SHANK2: variants seen among roughly 807,000 people sequenced by gnomAD.
SHANK2 encodes the protein SH3 and multiple ankyrin repeat domains 2.
In SHANK2, 43 loss-of-function variants were observed where a neutral mutation model predicts 133.7. That is an observed-to-expected ratio of 0.32 (90% CI 0.25 to 0.41). SHANK2 has a LOEUF of 0.41. SHANK2 is among the 10% of genes least tolerant of loss of function. The pLI is 1.00. For missense variants in SHANK2, 1,994 were observed against 2,235.8 expected (o/e 0.89, Z 2.18); for synonymous variants, 1,017 against 952.8 (o/e 1.07, Z -1.24).
chr11:70,571,998 T>G (rs1454536263), intron 17 of SHANK2, among the ~76,000 whole-genome samples: 8 of 152,148 alleles, frequency 5.3e-5, no homozygotes, highest in Admixed American at 6.5e-5. Flanking sequence ...ATCGGTAGCC[T>G]TATAAAAGGG....
chr11:71,239,051 A>G (rs1325674618), intron 1 of SHANK2, among the ~76,000 whole-genome samples: 1 of 152,262 alleles, frequency 6.6e-6, no homozygotes, highest in African/African-American at 2.4e-5. Context: ...CATTTTGTTC[A>G]CAAATGCTCA....
At chr11:70,649,335 TG>T (rs2061311751) in intron 17 of SHANK2, among the ~76,000 whole-genome samples, 1 of 152,002 alleles carries the variant, frequency 6.6e-6, no homozygotes, top group African/African-American at 2.4e-5. Flanking sequence ...TGCTGGTGGG[TG>T]GTTGATTTCA....
In SHANK2 at chr11:70,472,659, T is replaced by C. The variant is rs771143528; in HGVS notation, c.*210A>G. ...CTCCCTCCCCTTGTCCCATGTGTGA[T>C]AGAAACTGCCCAAGACACCCACATG... On this transcript the variant is annotated 3_prime_UTR_variant, in exon 26 of 26. Coordinates refer to ENST00000601538, the MANE Select transcript of SHANK2 (RefSeq NM_012309.5). The surrounding 1 kb of genome is among the most constrained non-coding windows in gnomAD (Gnocchi z 4.4). The C allele has an allele frequency of 1.5e-5, 9 of 603,746 alleles. No individual in the cohort carries two copies. The East Asian group carries it at 1.7e-4, about 11-fold the overall frequency. 37.4% of individuals were successfully genotyped at this position (603,746 alleles called of 1,614,324 possible).
At chr11:70,584,974 C>T (rs771166397) in intron 17 of SHANK2, among the ~76,000 whole-genome samples, 7 of 152,218 alleles carry the variant, frequency 4.6e-5, no homozygotes, top group Non-Finnish European at 7.3e-5. Flanking sequence ...AGATCGTCAG[C>T]GGAGACGCAG....
At chr11:70,582,349 G>A (rs1026754628) in intron 17 of SHANK2, among the ~76,000 whole-genome samples, 1 of 152,194 alleles carries the variant, frequency 6.6e-6, no homozygotes, top group Non-Finnish European at 1.5e-5. Flanking sequence ...AGCCCCGGCC[G>A]GATCCAATTA....
At chr11:70,931,906 T>C (rs528344937) in intron 10 of SHANK2, among the ~76,000 whole-genome samples, 2 of 152,330 alleles carry the variant, frequency 1.3e-5, no homozygotes, top group South Asian at 2.1e-4. Flanking sequence ...ACATCATCCA[T>C]CTTCAAGCCT....
intron 2 of SHANK2, among the ~76,000 whole-genome samples, chr11:71,186,996 G>T (rs372960072): frequency 1.8e-4 from 28 of 152,336 alleles, no homozygotes; most frequent in African/African-American, 5.5e-4. Context: ...AACACATGCC[G>T]CCAAGCGGAA....
Position 71,169,050 on chromosome 11 carries a change from T to C in SHANK2, c.-12-21712A>G, listed in dbSNP as rs553217606. On this transcript the variant is annotated intron_variant, in intron 2 of 25. Coordinates refer to ENST00000601538, the MANE Select transcript of SHANK2 (RefSeq NM_012309.5). ...TGCCATTTCTTTAAATGGCAAAAAC[T>C]GCAATTACTTTTGCAGCAACCTAAC... is the stretch of plus-strand genomic sequence containing the variant. Among the ~76,000 whole-genome samples, 30 of 152,256 alleles carry C rather than the reference T, an allele frequency of 2.0e-4. No individual in the cohort carries two copies. The East Asian group carries it at 2.9e-3, about 15-fold the overall frequency.
At chr11:70,861,019 G>A (rs919598849) in intron 11 of SHANK2, among the ~76,000 whole-genome samples, 9 of 152,214 alleles carry the variant, frequency 5.9e-5, no homozygotes, top group Non-Finnish European at 8.8e-5. Flanking sequence ...CTGGGCACAC[G>A]GGGAGCAGCG....
chr11:71,227,340 TATA>T (rs1330712306), intron 1 of SHANK2, among the ~76,000 whole-genome samples: 1 of 152,040 alleles, frequency 6.6e-6, no homozygotes, highest in Non-Finnish European at 1.5e-5. Context: ...TTGCTTCAAA[TATA>T]ATGCCATAGG....
In SHANK2 at chr11:70,730,421, C is replaced by T. The variant is rs114690925; in HGVS notation, c.1778-31658G>A. Among the ~76,000 whole-genome samples, 767 of 152,272 alleles carry T rather than the reference C, an allele frequency of 5.0e-3. 7 individuals carry two copies. Among genetic ancestry groups the T allele is most frequent in the African/African-American group, 0.017 (726 of 41,538 alleles). Reference sequence around the variant, plus strand: ...CAAATAGATGCCCAGGACTCACCCCCGAAGCCCATCCCTATAAAGCTGTGC... The same window carrying T: ...CAAATAGATGCCCAGGACTCACCCCTGAAGCCCATCCCTATAAAGCTGTGC... On this transcript the variant is annotated intron_variant, in intron 14 of 25. Transcript: ENST00000601538.
intron 11 of SHANK2, among the ~76,000 whole-genome samples, chr11:70,862,486 G>GGACTA (rs1949275121): frequency 6.6e-6 from 1 of 152,180 alleles, no homozygotes; most frequent in Admixed American, 6.5e-5. Context: ...GGACTGGACT[G>GGACTA]GCTGATGGAC....
intron 15 of SHANK2, among the ~76,000 whole-genome samples, chr11:70,680,779 T>C (rs1424564078): frequency 6.6e-6 from 1 of 152,164 alleles, no homozygotes; most frequent in Non-Finnish European, 1.5e-5. Context: ...GGCTTTAATA[T>C]GGAGTGGGGG....
At chr11:71,180,123 A>G (rs562927149) in intron 2 of SHANK2, among the ~76,000 whole-genome samples, 1 of 152,348 alleles carries the variant, frequency 6.6e-6, no homozygotes, top group African/African-American at 2.4e-5. Flanking sequence ...CCCGGGGACA[A>G]ATGTCATTAT....
chr11:70,483,479 G>A lies in SHANK2; in HGVS notation c.4979+1835C>T, dbSNP rs116372760. Reference sequence around the variant, plus strand: ...TTTGGGAGGCTGAGGTGAGTGGTTCGTTTGAGCCCAGGAGTTCGAGACCAG... The same window carrying A: ...TTTGGGAGGCTGAGGTGAGTGGTTCATTTGAGCCCAGGAGTTCGAGACCAG... On this transcript the variant is annotated intron_variant, in intron 25 of 25. Coordinates refer to ENST00000601538, the MANE Select transcript of SHANK2 (RefSeq NM_012309.5). 3.9e-3 allele frequency among the ~76,000 whole-genome samples: 561 copies of A among 142,944 alleles called. 3 individuals carry two copies. Among genetic ancestry groups the A allele is most frequent in the African/African-American group, 0.014 (536 of 37,506 alleles). The allele number at this position is 142,944 out of a possible 152,430, so 93.8% of individuals were successfully genotyped here.
At chr11:70,662,390 GAGC>G (rs1438271565) in intron 15 of SHANK2, among the ~76,000 whole-genome samples, 5 of 152,154 alleles carry the variant, frequency 3.3e-5, no homozygotes, top group African/African-American at 1.2e-4. Context: ...CATCCCGCGC[GAGC>G]ATCCGCAGGC....
chr11:71,185,945 C>T (rs566144714), intron 2 of SHANK2, among the ~76,000 whole-genome samples: 9 of 152,274 alleles, frequency 5.9e-5, no homozygotes, highest in African/African-American at 2.2e-4. Flanking sequence ...TCTCCCATGG[C>T]GCATTCCCAA....
At chr11:71,193,956 T>G (rs1555115828) in intron 2 of SHANK2, among the ~76,000 whole-genome samples, 1 of 152,176 alleles carries the variant, frequency 6.6e-6, no homozygotes, top group Non-Finnish European at 1.5e-5. Context: ...CCAAATAAGG[T>G]CACGTTCTGA....
intron 8 of SHANK2, among the ~76,000 whole-genome samples, chr11:71,082,951 C>CA (rs1325740500): frequency 2.7e-5 from 4 of 148,412 alleles, no homozygotes; most frequent in South Asian, 2.2e-4. Flanking sequence ...CCGCCCCCCC[C>CA]CCAACCCTTC....
Sources: allele counts gnomAD v4.1 joint callset (sites outside exome capture counted in the v4.1 genomes callset), GRCh38; gene constraint gnomAD v4.1.1; non-coding constraint Gnocchi (gnomAD v3.1); transcripts MANE v1.5; gene names NCBI Gene and HGNC (gene_info 2026-07-23, HGNC 2026-07-21).